Variants in DGKB observed in about 807,000 individuals in gnomAD.
DGKB encodes the protein 90 kDa diacylglycerol kinase.
A neutral mutation model predicts 114.3 loss-of-function variants in DGKB; 67 were observed. That is an observed-to-expected ratio of 0.59 (90% CI 0.48 to 0.72). DGKB has a LOEUF of 0.72. DGKB is among the 30% of genes least tolerant of loss of function. DGKB has a pLI of 0.00. For missense variants in DGKB, 907 were observed against 975.2 expected (o/e 0.93, Z 0.93); for synonymous variants, 398 against 323.1 (o/e 1.23, Z -2.49).
At chr7:14,313,492 T>C (rs1400013177) in intron 23 of DGKB, among the ~76,000 whole-genome samples, 3 of 151,658 alleles carry the variant, frequency 2.0e-5, no homozygotes, top group African/African-American at 7.3e-5. Context: ...TTCCCTTTCC[T>C]AATCAAAGAA....
chr7:14,851,834 T>G (rs1849392784), intron 1 of DGKB, among the ~76,000 whole-genome samples: 1 of 152,144 alleles, frequency 6.6e-6, no homozygotes, highest in Admixed American at 6.6e-5. Context: ...ACAGCCCAGA[T>G]GAAGTCACAG....
At chr7:14,865,193 T>G (rs140782285) in intron 1 of DGKB, among the ~76,000 whole-genome samples, 1,855 of 152,304 alleles carry the variant, frequency 0.012, 29 homozygotes, top group Admixed American at 0.018. Flanking sequence ...AAAAATGAGT[T>G]GAATAAAAAT....
intron 25 of DGKB, among the ~76,000 whole-genome samples, chr7:14,150,214 C>A (rs1420161627): frequency 6.6e-6 from 1 of 152,094 alleles, no homozygotes; most frequent in South Asian, 2.1e-4. Context: ...AATACAAGAA[C>A]CATCGCTTAT....
At chr7:14,942,529 A>C (rs1785622709) in intron 1 of DGKB, among the ~76,000 whole-genome samples, 1 of 151,978 alleles carries the variant, frequency 6.6e-6, no homozygotes, top group African/African-American at 2.4e-5. Flanking sequence ...TTTGTGGCTT[A>C]ATAGTGAGAT....
intron 20 of DGKB, among the ~76,000 whole-genome samples, chr7:14,560,177 C>G (rs1050698388): frequency 6.6e-6 from 1 of 152,022 alleles, no homozygotes; most frequent in African/African-American, 2.4e-5. Flanking sequence ...ACTTTCTCCT[C>G]TCTTTTTTTA....
chr7:14,909,804 A>G (rs1406329097), intron 1 of DGKB, among the ~76,000 whole-genome samples: 2 of 152,200 alleles, frequency 1.3e-5, no homozygotes, highest in African/African-American at 4.8e-5. Flanking sequence ...TTAGCACATA[A>G]TGTGTACTTT....
chr7:14,293,189 A>G (rs888752509), intron 23 of DGKB, among the ~76,000 whole-genome samples: 1 of 152,198 alleles, frequency 6.6e-6, no homozygotes, highest in Non-Finnish European at 1.5e-5. Context: ...TCAATTATTG[A>G]ATAATTTGGG....
chr7:14,628,889 T>C (rs1340648908), intron 14 of DGKB, among the ~76,000 whole-genome samples: 4 of 152,140 alleles, frequency 2.6e-5, no homozygotes, highest in Non-Finnish European at 5.9e-5. Context: ...AAAATAACTA[T>C]AGGAAGACTT....
rs573740371 is a variant in DGKB, at chr7:14,789,899, A to T, written c.71-32168T>A. On this transcript the variant is annotated intron_variant, in intron 2 of 25. Coordinates refer to ENST00000402815, the MANE Select transcript of DGKB (RefSeq NM_001350709.2). Reference sequence around the variant, plus strand: ...CCAGAGTGCTGAAAAACCATTTTGAATTCCCACCAGCAGAGGATGACTGAT... The same window carrying T: ...CCAGAGTGCTGAAAAACCATTTTGATTTCCCACCAGCAGAGGATGACTGAT... Among the ~76,000 whole-genome samples the T allele has an allele frequency of 9.4e-4, 143 of 152,284 alleles. 1 individual carries two copies. Among genetic ancestry groups the T allele is most frequent in the African/African-American group, 3.3e-3 (136 of 41,564 alleles).
intron 9 of DGKB, among the ~76,000 whole-genome samples, chr7:14,688,025 T>C (rs1190918785): frequency 2.0e-5 from 3 of 152,234 alleles, no homozygotes; most frequent in Non-Finnish European, 4.4e-5. Context: ...ATGAAATATG[T>C]ATGTGACTTC....
At chr7:14,176,614 T>C (rs1423980344) in intron 25 of DGKB, 1 of 1,264,642 alleles carries the variant, frequency 7.9e-7, no homozygotes, top group Non-Finnish European at 1.0e-6. Context: ...GATCTATTTA[T>C]ACTTAGGCTA....
intron 1 of DGKB, among the ~76,000 whole-genome samples, chr7:14,850,078 C>T (rs1461490500): frequency 6.6e-6 from 1 of 152,132 alleles, no homozygotes; most frequent in Non-Finnish European, 1.5e-5. Context: ...AGAAAAGAAT[C>T]CCTCAAGGAG....
At chr7:14,602,400 G>C (rs569647304) in intron 17 of DGKB, among the ~76,000 whole-genome samples, 2 of 152,286 alleles carry the variant, frequency 1.3e-5, no homozygotes, top group East Asian at 3.9e-4. Flanking sequence ...ACCCAATCCA[G>C]AATGCTATGG....
chr7:14,635,780 A>G (rs774906895), intron 13 of DGKB, among the ~76,000 whole-genome samples: 1 of 151,584 alleles, frequency 6.6e-6, no homozygotes, highest in Non-Finnish European at 1.5e-5. Flanking sequence ...AGAACTCAGT[A>G]TAATAGACTG....
chr7:14,596,001 T>C lies in DGKB; in HGVS notation c.1433+11433A>G, dbSNP rs1802514037. On this transcript the variant is annotated intron_variant, in intron 17 of 25. Coordinates refer to ENST00000402815, the MANE Select transcript of DGKB (RefSeq NM_001350709.2). ...TTTTTGTTCAATGACTAACCTTAAG[T>C]ACTGTTTGAATTCATGATATACATT... Among the ~76,000 whole-genome samples the C allele has an allele frequency of 2.0e-5, 3 of 152,100 alleles. 1 individual carries two copies. Among genetic ancestry groups the C allele is most frequent in the African/African-American group, 7.2e-5 (3 of 41,440 alleles).
At chr7:14,281,316 C>T (rs2128455227) in intron 23 of DGKB, among the ~76,000 whole-genome samples, 1 of 148,246 alleles carries the variant, frequency 6.7e-6, no homozygotes, top group East Asian at 2.0e-4. Context: ...GCTAACTATC[C>T]TAAATATATA....
intron 20 of DGKB, among the ~76,000 whole-genome samples, chr7:14,540,869 A>T (rs534485985): frequency 9.9e-5 from 15 of 152,278 alleles, no homozygotes; most frequent in African/African-American, 3.6e-4. Flanking sequence ...CAAACTGATC[A>T]ACACTGTCTT....
rs1055291246 is a variant in DGKB, at chr7:14,728,764, C to T, written c.322+7277G>A. 4.6e-5 allele frequency among the ~76,000 whole-genome samples: 7 copies of T among 150,948 alleles called. No homozygotes were observed. In the East Asian group the frequency reaches 5.9e-4, roughly 13 times the overall value. On this transcript the variant is annotated intron_variant, in intron 5 of 25. Coordinates refer to ENST00000402815, the MANE Select transcript of DGKB (RefSeq NM_001350709.2). ...TGTCGTGCAGGCTGGAGTGCAGTGG[C>T]GCCATCTCAGCTCACTGCAACTCTG...
chr7:14,263,513 A>G (rs1187343360), intron 23 of DGKB, among the ~76,000 whole-genome samples: 2 of 152,136 alleles, frequency 1.3e-5, no homozygotes, highest in Non-Finnish European at 2.9e-5. Context: ...TGTACATGAC[A>G]TGCTCTCCTT....
Sources: allele counts gnomAD v4.1 joint callset (sites outside exome capture counted in the v4.1 genomes callset), GRCh38; gene constraint gnomAD v4.1.1; transcripts MANE v1.5; gene names NCBI Gene and HGNC (gene_info 2026-07-23, HGNC 2026-07-21).